ZNF532: variants seen among roughly 807,000 people sequenced by gnomAD.
The protein encoded by ZNF532 is zinc finger protein 532.
Under a neutral mutation model 89.3 loss-of-function variants are expected in ZNF532, and 22 were observed. That is an observed-to-expected ratio of 0.25 (90% CI 0.18 to 0.35). The LOEUF is 0.35. Ranked by LOEUF, ZNF532 falls within the 10% of genes least tolerant of loss-of-function variation. The pLI is 1.00. For synonymous variants in ZNF532, 606 were observed against 649.6 expected, an observed-to-expected ratio of 0.93 and a Z score of 1.02; for missense variants, 1,132 against 1,643.4, an observed-to-expected ratio of 0.69 and a Z score of 5.38.
At chr18:58,899,052 G>A (rs2059428048) in intron 2 of ZNF532, among the ~76,000 whole-genome samples, 1 of 152,274 alleles carries the variant, frequency 6.6e-6, no homozygotes, top group African/African-American at 2.4e-5. Flanking sequence ...GGTGCTGAGT[G>A]CGCGTAGATT....
chr18:58,976,808 G>A (rs982924934), intron 7 of ZNF532, among the ~76,000 whole-genome samples: 13 of 152,146 alleles, frequency 8.5e-5, no homozygotes, highest in African/African-American at 7.2e-5. Context: ...GAGCCACTGC[G>A]CCCAGCCTCA....
At chr18:58,939,313 A>T in intron 4 of ZNF532, 132 bp from the exon 5 acceptor site, 1 of 586,774 alleles carries the variant, frequency 1.7e-6, no homozygotes, top group South Asian at 3.9e-5. Context: ...TAGGAAAAAA[A>T]CTAAAATATA....
chr18:58,953,892 C>T lies in ZNF532; in HGVS notation c.3150+93C>T. 2.7e-6 allele frequency: 4 copies of T among 1,504,370 alleles called. No homozygotes were observed. In the Admixed American group the frequency reaches 7.0e-5, roughly 26 times the overall value. The allele number at this position is 1,504,370 out of a possible 1,614,324, so 93.2% of individuals were successfully genotyped here. A position where few individuals can be genotyped will look rare whatever the true frequency, so the allele number is the denominator to read the frequency against. On this transcript the variant is annotated intron_variant, in intron 7 of 9. Coordinates refer to ENST00000591808, the MANE Select transcript of ZNF532 (RefSeq NM_001375912.1). ...ATGTGGGCTCTTGGCTTGGCTCTAT[C>T]AGTAATTAGTGCTGTGACCTTAAAA...
At chr18:58,864,318 G>C (rs2056244257), upstream of ZNF532, 1 of 151,816 alleles carries the variant, frequency 6.6e-6, no homozygotes, top group South Asian at 2.1e-4. Flanking sequence ...GAAGGGAGGA[G>C]GGGGCTGGGT....
Position 58,886,992 on chromosome 18 carries a change from G to C in ZNF532, c.-18+21413G>C, listed in dbSNP as rs571134137. Among the ~76,000 whole-genome samples, 8 of 152,318 alleles carry C rather than the reference G, an allele frequency of 5.3e-5. No individual in the cohort carries two copies. In the East Asian group the frequency reaches 1.2e-3, roughly 22 times the overall value. On this transcript the variant is annotated intron_variant, in intron 2 of 9. Transcript: ENST00000591808. Reference sequence around the variant, plus strand: ...CTCAGTAGGTTCCTGGGCAAGCCCTGCCCAGAGCTCATTTTCACTTGTCCT... The same window carrying C: ...CTCAGTAGGTTCCTGGGCAAGCCCTCCCCAGAGCTCATTTTCACTTGTCCT...
intron 2 of ZNF532, among the ~76,000 whole-genome samples, chr18:58,899,890 T>C (rs1394384521): frequency 6.6e-6 from 1 of 152,256 alleles, no homozygotes; most frequent in Non-Finnish European, 1.5e-5. Flanking sequence ...CTTGATTTCC[T>C]TGACTCTGTT....
Position 58,982,096 on chromosome 18 carries a change from G to A in ZNF532, c.3411+479G>A, listed in dbSNP as rs182430063. Among the ~76,000 whole-genome samples, 646 of 146,870 alleles carry A rather than the reference G, an allele frequency of 4.4e-3. 2 individuals are homozygous for A. The highest frequency in any genetic ancestry group is 0.016 in the African/African-American group (631 of 39,762). On this transcript the variant is annotated intron_variant, in intron 9 of 9. Transcript: ENST00000591808. ...ATTCTGACCTCATCATCAGGAGTTC[G>A]AGACCAGCCTGGCCAACATGGTGAA...
chr18:58,953,427 G>C, intron 6 of ZNF532, 91 bp from the exon 7 acceptor site: 2 of 1,126,960 alleles, frequency 1.8e-6, no homozygotes, highest in Non-Finnish European at 2.5e-6. Context: ...AACTGGTGTT[G>C]AAATGTGTAC....
At chr18:58,946,672 C>T (rs2063689595) in intron 5 of ZNF532, among the ~76,000 whole-genome samples, 1 of 152,148 alleles carries the variant, frequency 6.6e-6, no homozygotes, top group African/African-American at 2.4e-5. Flanking sequence ...TTTGTCACAC[C>T]TGCTACGGTT....
Position 58,964,535 on chromosome 18 carries a change from TTGTGTGTGTGTGTGTGTGTG to T in ZNF532, c.3150+10762_3150+10781del, listed in dbSNP as rs200298951. Among the ~76,000 whole-genome samples, 1,171 of 138,630 alleles carry T rather than the reference TTGTGTGTGTGTGTGTGTGTG, an allele frequency of 8.4e-3. 20 individuals are homozygous for T. Among genetic ancestry groups the T allele is most frequent in the African/African-American group, 0.029 (1,085 of 37,582 alleles). 90.9% of individuals were successfully genotyped at this position (138,630 alleles called of 152,430 possible). A position where few individuals can be genotyped will look rare whatever the true frequency, so the allele number is the denominator to read the frequency against. On this transcript the variant is annotated intron_variant, in intron 7 of 9. Transcript: ENST00000591808. ...TTGGCCACTGGAATTGATATTTTGT[TTGTGTGTGTGTGTGTGTGTG>T]TGTGTGTGTGTGTGTGTGTGTGTGT...
At chr18:58,982,679 G>C (rs1435263166) in intron 9 of ZNF532, among the ~76,000 whole-genome samples, 1 of 152,174 alleles carries the variant, frequency 6.6e-6, no homozygotes, top group Non-Finnish European at 1.5e-5. Flanking sequence ...TCGGTGCTAT[G>C]CTAGATCTGG....
At chr18:58,867,878 CTTCTG>C (rs1430914636) in intron 2 of ZNF532, among the ~76,000 whole-genome samples, 8 of 152,192 alleles carry the variant, frequency 5.3e-5, no homozygotes, top group African/African-American at 1.9e-4. Flanking sequence ...CTCTCTTTTT[CTTCTG>C]TTCTTTTCTC....
At position 58,882,318 on chromosome 18, in the gene ZNF532, G is replaced by A. The variant is rs147776582; in HGVS notation, c.-18+16739G>A. Among the ~76,000 whole-genome samples, 514 of 152,322 alleles carry A rather than the reference G, an allele frequency of 3.4e-3. 4 individuals are homozygous for A. The highest frequency in any genetic ancestry group is 5.1e-3 in the Non-Finnish European group (350 of 68,026). ...AGTCATCTTGGGTTGATGCAGAGGT[G>A]TGTCTGGAGAGGAAGTACTGCCAAG... On this transcript the variant is annotated intron_variant, in intron 2 of 9. Coordinates refer to ENST00000591808, the MANE Select transcript of ZNF532 (RefSeq NM_001375912.1).
intron 2 of ZNF532, among the ~76,000 whole-genome samples, chr18:58,870,340 G>A (rs755733243): frequency 6.6e-6 from 1 of 152,148 alleles, no homozygotes; most frequent in Non-Finnish European, 1.5e-5. Context: ...TGAATAGGCC[G>A]CCTCATGCCA....
At chr18:58,929,017 C>T (rs1049073831) in intron 3 of ZNF532, among the ~76,000 whole-genome samples, 4 of 152,190 alleles carry the variant, frequency 2.6e-5, no homozygotes, top group African/African-American at 9.7e-5. Flanking sequence ...CTTCTTGTGG[C>T]ATTTATATCA....
In ZNF532 at chr18:58,944,642, G is replaced by A. The variant is rs1045910170; in HGVS notation, c.2706-3425G>A. On this transcript the variant is annotated intron_variant, in intron 5 of 9. Transcript: ENST00000591808. ...TGCCCCTCCTCTCTGCCTGGTAGCC[G>A]GTCTCCCTGGGGATTTTCCATTTTC... is the stretch of plus-strand genomic sequence containing the variant. 6.6e-5 allele frequency among the ~76,000 whole-genome samples: 10 copies of A among 152,026 alleles called. No homozygotes were observed. The South Asian group carries it at 1.0e-3, about 16-fold the overall frequency.
intron 2 of ZNF532, among the ~76,000 whole-genome samples, chr18:58,893,084 C>T (rs1182651183): frequency 6.6e-6 from 1 of 150,760 alleles, no homozygotes; most frequent in East Asian, 2.0e-4. Flanking sequence ...CAGGACCAAG[C>T]GATTCTGCCT....
chr18:58,983,922 A>G (rs1435762454), intron 9 of ZNF532, 50 bp from the exon 10 acceptor site: 6 of 1,556,892 alleles, frequency 3.9e-6, no homozygotes, highest in Non-Finnish European at 5.2e-6. Context: ...TTTATCAACC[A>G]CCGTGAAGGA....
chr18:58,964,124 A>G (rs998406880), intron 7 of ZNF532: 2 of 152,198 alleles, frequency 1.3e-5, no homozygotes, highest in Non-Finnish European at 2.9e-5. Context: ...GTCATTAGGC[A>G]TGCCTTACTA....
Sources: allele counts gnomAD v4.1 joint callset (sites outside exome capture counted in the v4.1 genomes callset), GRCh38; gene constraint gnomAD v4.1.1; transcripts MANE v1.5; gene names NCBI Gene and HGNC (gene_info 2026-07-23, HGNC 2026-07-21).